The following ATP10B variants were observed in gnomAD, a reference collection of about 807,000 sequenced individuals.
ATP10B encodes the protein phospholipid-transporting ATPase VB.
Under a neutral mutation model 141.2 loss-of-function variants are expected in ATP10B, and 122 were observed. The observed-to-expected ratio is 0.86, with a 90% CI of 0.75 to 1.00. The LOEUF (loss-of-function observed/expected upper bound fraction) is 1.00, where lower values mean the gene tolerates loss of function less well. ATP10B is among the 50% of genes least tolerant of loss of function. ATP10B has a pLI of 0.00. For synonymous variants in ATP10B, 685 were observed against 692.0 expected, an observed-to-expected ratio of 0.99 and a Z score of 0.16; for missense variants, 1,876 against 1,825.3, an observed-to-expected ratio of 1.03 and a Z score of -0.51.
rs926954831 is a variant in ATP10B at position 160,813,363 on chromosome 5, C to T, written c.-575-27560G>A. On this transcript the variant is annotated intron_variant, in intron 1 of 25. Transcript: ENST00000327245. Reference sequence around the variant, plus strand: ...CCCGCGCATGGCTTGGAGGGTCCTACGCCCACAGAGCCTCGCTCATTGCTA... The same window carrying T: ...CCCGCGCATGGCTTGGAGGGTCCTATGCCCACAGAGCCTCGCTCATTGCTA... Among the ~76,000 whole-genome samples the T allele has an allele frequency of 4.6e-5, 7 of 152,250 alleles. 1 individual carries two copies. The Middle Eastern group carries it at 0.01, about 222-fold the overall frequency.
chr5:160,787,390 G>T (rs1446838929), intron 1 of ATP10B, among the ~76,000 whole-genome samples: 2 of 151,996 alleles, frequency 1.3e-5, no homozygotes, highest in Non-Finnish European at 2.9e-5. Flanking sequence ...TTCAACCCCT[G>T]CCCTAACCTT....
the ATP10B span, among the ~76,000 whole-genome samples, chr5:160,890,940 A>G: frequency 2.6e-5 from 4 of 151,732 alleles, no homozygotes; most frequent in South Asian, 8.3e-4. Context: ...GACTGTTTTC[A>G]TTTACTTTTT....
the ATP10B span, among the ~76,000 whole-genome samples, chr5:160,880,586 T>C: frequency 2.0e-5 from 3 of 152,096 alleles, no homozygotes; most frequent in South Asian, 2.1e-4. Context: ...AATTGAGAAA[T>C]AGATCAACAG....
At chr5:160,654,637 T>C (rs1036531000) in intron 7 of ATP10B, among the ~76,000 whole-genome samples, 6 of 152,186 alleles carry the variant, frequency 3.9e-5, no homozygotes, top group Non-Finnish European at 7.4e-5. Flanking sequence ...AAGTGTCTCA[T>C]GGTTGGTAAG....
Position 160,785,583 on chromosome 5 carries a change from T to C in ATP10B, c.-355A>G, listed in dbSNP as rs13190543. 0.24 allele frequency: 226,840 copies of C among 943,438 alleles called. 28,091 individuals carry two copies. Among genetic ancestry groups the C allele is most frequent in the East Asian group, 0.32 (5,260 of 16,382 alleles). The allele number at this position is 943,438 out of a possible 1,614,324, so 58.4% of individuals were successfully genotyped here. A position where few individuals can be genotyped will look rare whatever the true frequency, so the allele number is the denominator to read the frequency against. ...CCTGATAGGTAGATTTCAAGTCTTG[T>C]TCCTCTTTCTCCTTCCCTCCTTTTT... On this transcript the variant is annotated 5_prime_UTR_variant, in exon 2 of 26. Coordinates refer to ENST00000327245, the MANE Select transcript of ATP10B (RefSeq NM_025153.3).
At chr5:160,927,380 G>A in the ATP10B span, among the ~76,000 whole-genome samples, 1 of 152,192 alleles carries the variant, frequency 6.6e-6, no homozygotes, top group Admixed American at 6.5e-5. Flanking sequence ...AGTCAGAAAT[G>A]CTGTCGCTTT....
the ATP10B span, among the ~76,000 whole-genome samples, chr5:160,917,011 G>C: frequency 2.0e-5 from 3 of 152,168 alleles, no homozygotes; most frequent in African/African-American, 7.2e-5. Flanking sequence ...TGTGTGCAAA[G>C]GTGTGTTAAG....
chr5:160,567,292 G>A (rs1227527307), intron 25 of ATP10B, among the ~76,000 whole-genome samples: 5 of 152,242 alleles, frequency 3.3e-5, no homozygotes, highest in African/African-American at 9.6e-5. Context: ...TGAGAGTGTC[G>A]AACATCAAAC....
chr5:160,819,663 A>T (rs1259472538), intron 1 of ATP10B, among the ~76,000 whole-genome samples: 2 of 152,164 alleles, frequency 1.3e-5, no homozygotes, highest in African/African-American at 4.8e-5. Context: ...ATAGAAACAA[A>T]AAGTTAAAAA....
intron 6 of ATP10B, among the ~76,000 whole-genome samples, chr5:160,682,789 C>A (rs1763492287): frequency 6.6e-6 from 1 of 152,020 alleles, no homozygotes; most frequent in South Asian, 2.1e-4. Flanking sequence ...CCTGTAATCC[C>A]AGCACTTTGG....
At chr5:160,803,406 G>A (rs13154057) in intron 1 of ATP10B, among the ~76,000 whole-genome samples, 13,585 of 152,188 alleles carry the variant, frequency 0.089, 773 homozygotes, top group Non-Finnish European at 0.12. Context: ...GGCCAGGCAC[G>A]GCGGCTCACA....
chr5:160,704,454 G>A (rs747591827), intron 3 of ATP10B, among the ~76,000 whole-genome samples: 8 of 152,160 alleles, frequency 5.3e-5, no homozygotes, highest in Non-Finnish European at 1.2e-4. Flanking sequence ...GCCATAAACA[G>A]ATGTGCTATC....
Position 160,612,754 on chromosome 5 carries a change from T to C in ATP10B, c.2825A>G (p.Asn942Ser), listed in dbSNP as rs759371796. 2.5e-6 allele frequency: 4 copies of C among 1,613,626 alleles called. No homozygotes were observed. Among genetic ancestry groups the C allele is most frequent in the Admixed American group, 1.7e-5 (1 of 59,980 alleles). Residue 942 changes from asparagine (N) to serine (S), a missense_variant, in exon 18 of 26, where the codon AAT becomes AGT. Coordinates refer to ENST00000327245, the MANE Select transcript of ATP10B (RefSeq NM_025153.3). ...LNQTDTVYTI[N>S]TENQETCESI... ...GAATCACCTCACCTGATTCTCTGTA[T>C]TGATGGTATAAACAGTGTCGGTCTG...
At chr5:160,583,545 C>T (rs1266491775) in intron 24 of ATP10B, among the ~76,000 whole-genome samples, 12 of 152,232 alleles carry the variant, frequency 7.9e-5, no homozygotes. Flanking sequence ...CTGGAGGAGA[C>T]AGTCTGTCCC....
At chr5:160,628,345 T>C (rs1229555236) in intron 13 of ATP10B, among the ~76,000 whole-genome samples, 1 of 152,230 alleles carries the variant, frequency 6.6e-6, no homozygotes, top group Non-Finnish European at 1.5e-5. Context: ...TAGGCTTCAC[T>C]GCTTCCTGCC....
the ATP10B span, among the ~76,000 whole-genome samples, chr5:160,915,209 A>T: frequency 6.6e-6 from 1 of 152,174 alleles, no homozygotes; most frequent in Non-Finnish European, 1.5e-5. Flanking sequence ...AAGGTGGGGA[A>T]GTTGTTTGAA....
intron 1 of ATP10B, among the ~76,000 whole-genome samples, chr5:160,793,008 G>T (rs955855736): frequency 1.3e-5 from 2 of 152,192 alleles, no homozygotes; most frequent in African/African-American, 4.8e-5. Flanking sequence ...CAACAGGTTT[G>T]TGCCTAGCAT....
At chr5:160,735,466 C>T (rs1334494649) in intron 2 of ATP10B, among the ~76,000 whole-genome samples, 3 of 152,120 alleles carry the variant, frequency 2.0e-5, no homozygotes, top group African/African-American at 2.4e-5. Context: ...AATCTACATG[C>T]ACCCAACACT....
chr5:160,599,422 C>T (rs888830447), intron 21 of ATP10B, among the ~76,000 whole-genome samples: 1 of 152,182 alleles, frequency 6.6e-6, no homozygotes, highest in Non-Finnish European at 1.5e-5. Flanking sequence ...TTTGAATCCC[C>T]AATTCTGTCA....
Sources: allele counts gnomAD v4.1 joint callset (sites outside exome capture counted in the v4.1 genomes callset), GRCh38; gene constraint gnomAD v4.1.1; transcripts MANE v1.5; gene names NCBI Gene and HGNC (gene_info 2026-07-23, HGNC 2026-07-21).